Variants in VPS35L observed in about 807,000 individuals in gnomAD.
VPS35L encodes VPS35 endosomal protein-sorting factor-like.
In VPS35L, 83 loss-of-function variants were observed where a neutral mutation model predicts 133.0. That is an observed-to-expected ratio of 0.62 (90% CI 0.52 to 0.75). The LOEUF is 0.75. VPS35L is among the 30% of genes least tolerant of loss of function. The pLI, the probability that VPS35L is intolerant of heterozygous loss-of-function variation, is 0.00. For missense variants in VPS35L, 1,083 were observed against 1,206.8 expected, an observed-to-expected ratio of 0.90 and a Z score of 1.52; for synonymous variants, 423 against 449.9, an observed-to-expected ratio of 0.94 and a Z score of 0.76.
At chr16:19,592,445 T>C (rs760301658) in intron 8 of VPS35L, among the ~76,000 whole-genome samples, 21 of 152,134 alleles carry the variant, frequency 1.4e-4, no homozygotes, top group Non-Finnish European at 2.9e-4. Flanking sequence ...CTGGGGGCAC[T>C]AAGCAGCATG....
At chr16:19,592,689 A>T (rs1164601457) in intron 8 of VPS35L, among the ~76,000 whole-genome samples, 4 of 138,288 alleles carry the variant, frequency 2.9e-5, no homozygotes, top group African/African-American at 5.4e-5. Context: ...CACTGTTAAA[A>T]TTTTTTTTTT....
At chr16:19,577,536 G>A (rs182506672) in intron 5 of VPS35L, among the ~76,000 whole-genome samples, 7 of 152,268 alleles carry the variant, frequency 4.6e-5, no homozygotes, top group Non-Finnish European at 8.8e-5. Context: ...TGCTGCTGGT[G>A]GGAATGTAAA....
At chr16:19,672,623 G>A (rs1220386558) in intron 27 of VPS35L, among the ~76,000 whole-genome samples, 2 of 152,178 alleles carry the variant, frequency 1.3e-5, no homozygotes, top group African/African-American at 4.8e-5. Context: ...ATGGCTTCAG[G>A]ATGGGGGCCT....
chr16:19,599,473 G>A (rs140207390), intron 8 of VPS35L, among the ~76,000 whole-genome samples: 1 of 152,042 alleles, frequency 6.6e-6, no homozygotes, highest in Non-Finnish European at 1.5e-5. Flanking sequence ...ATTTCAGCAT[G>A]TATAAGGATT....
intron 7 of VPS35L, 119 bp from the exon 8 acceptor site, chr16:19,591,671 C>T (rs1405934621): frequency 1.4e-6 from 1 of 721,960 alleles, no homozygotes; most frequent in East Asian, 2.7e-5. Context: ...TCGCACAGGC[C>T]TTGGCACATA....
intron 15 of VPS35L, among the ~76,000 whole-genome samples, chr16:19,627,454 C>T (rs1225154214): frequency 6.6e-6 from 1 of 152,138 alleles, no homozygotes; most frequent in Non-Finnish European, 1.5e-5. Context: ...GTCTATCCAC[C>T]CTGCCATCTA....
rs757822505 is a variant in VPS35L at position 19,569,523 on chromosome 16, C to G, written c.217C>G (p.Leu73Val). 3 of 1,609,190 alleles carry G rather than the reference C, an allele frequency of 1.9e-6. No individual in the cohort carries two copies. Among genetic ancestry groups the G allele is most frequent in the Non-Finnish European group, 2.5e-6 (3 of 1,177,910 alleles). The part of the protein sequence containing the change: ...SSVVDPLSSV[L>V]DGTDPLSMFA... ...CGTGGTGGACCCGCTGAGCAGCGTC[C>G]TCGATGGGACTGACCCCCTCTCCAT... Residue 73 changes from leucine (L) to valine (V), a missense_variant, in exon 3 of 31, where the codon CTC (leucine) becomes GTC (valine). Physicochemically the swap from Leu to Val is conservative, Grantham distance 32. Coordinates refer to ENST00000417362, the MANE Select transcript of VPS35L (RefSeq NM_020314.7).
intron 7 of VPS35L, among the ~76,000 whole-genome samples, chr16:19,585,158 T>G (rs1282444894): frequency 6.6e-6 from 1 of 152,230 alleles, no homozygotes; most frequent in African/African-American, 2.4e-5. Context: ...GTTCCCACTC[T>G]CTGGCTGTTA....
At chr16:19,618,084 C>CAAAAAAAAAAAAAAAAAAAAAAA in intron 14 of VPS35L, 1 of 56,560 alleles carries the variant, frequency 1.8e-5, no homozygotes, top group Non-Finnish European at 3.5e-5. Context: ...CAGACTGTCT[C>CAAAAAAAAAAAAAAAAAAAAAAA]AAAAAAAAAA....
Position 19,630,342 on chromosome 16 carries a change from T to G in VPS35L, c.1554+522T>G, listed in dbSNP as rs545818046. Among the ~76,000 whole-genome samples, 369 of 134,890 alleles carry G rather than the reference T, an allele frequency of 2.7e-3. 1 individual carries two copies. Among genetic ancestry groups the G allele is most frequent in the African/African-American group, 0.01 (356 of 34,230 alleles). The allele number at this position is 134,890 out of a possible 152,430, so 88.5% of individuals were successfully genotyped here. On this transcript the variant is annotated intron_variant, in intron 18 of 30. Coordinates refer to ENST00000417362, the MANE Select transcript of VPS35L (RefSeq NM_020314.7). ...GTCCTAAAAGTTTTTTTTTTTTTTT[T>G]TTTTTTTTTGAGATGGAGTCTCGCT...
chr16:19,684,699 T>G (rs1375247814), intron 28 of VPS35L, among the ~76,000 whole-genome samples: 4 of 152,194 alleles, frequency 2.6e-5, no homozygotes. Flanking sequence ...CGGTAGTTAG[T>G]GATGGAAGTG....
chr16:19,556,419 G>A (rs1019434021), intron 1 of VPS35L, among the ~76,000 whole-genome samples: 1 of 152,202 alleles, frequency 6.6e-6, no homozygotes, highest in South Asian at 2.1e-4. Flanking sequence ...GGGAGGGCGT[G>A]GCGTGTGCCT....
intron 26 of VPS35L, among the ~76,000 whole-genome samples, chr16:19,666,895 T>C (rs558657834): frequency 9.2e-5 from 9 of 98,204 alleles, no homozygotes; most frequent in African/African-American, 4.5e-4. Flanking sequence ...TTTCTTTCTT[T>C]CTTTCTTTCT....
rs370011283 is a variant in VPS35L at position 19,664,859 on chromosome 16, C to T, written c.2222-4301C>T. The stretch of plus-strand genomic sequence containing the variant: ...AGGCTGCAGTGAGCTGAGATCACAT[C>T]ACCGCATTCCAGCCTGGGCAACAGA... On this transcript the variant is annotated intron_variant, in intron 26 of 30. Transcript: ENST00000417362. Among the ~76,000 whole-genome samples the T allele has an allele frequency of 5.3e-5, 8 of 150,736 alleles. No individual in the cohort carries two copies. The South Asian group carries it at 8.4e-4, about 16-fold the overall frequency.
In VPS35L at chr16:19,699,545, G is replaced by A; in HGVS notation, c.2690G>A (p.Ser897Asn). The A allele has an allele frequency of 4.3e-6, 7 of 1,614,162 alleles. No homozygotes were observed. Among genetic ancestry groups the A allele is most frequent in the Non-Finnish European group, 5.9e-6 (7 of 1,180,034 alleles). ...QSSLGLSFFN[S>N]ILAHGDLRNN... is the part of the protein sequence containing the mutation. ...TCGTTGGGCCTTTCCTTCTTTAACA[G>A]CATCTTGGCCCATGGGGACCTACGC... The change falls in exon 30 of 31, where the codon AGC (serine) becomes AAC (asparagine). Residue 897 changes from serine to asparagine, a missense_variant. Coordinates refer to ENST00000417362, the MANE Select transcript of VPS35L (RefSeq NM_020314.7). The surrounding 1 kb of genome is among the most constrained non-coding windows in gnomAD (Gnocchi z 4.2).
intron 14 of VPS35L, chr16:19,618,079 T>C (rs1972953434): frequency 1.3e-5 from 1 of 75,900 alleles, no homozygotes; most frequent in African/African-American, 6.1e-5. Flanking sequence ...AGAGCCAGAC[T>C]GTCTCAAAAA....
chr16:19,613,133 T>C (rs897627603), intron 12 of VPS35L, among the ~76,000 whole-genome samples: 4 of 152,078 alleles, frequency 2.6e-5, no homozygotes, highest in Admixed American at 6.6e-5. Context: ...AAAACCTGTC[T>C]CTACTAAAAA....
intron 10 of VPS35L, 101 bp from the exon 11 acceptor site, chr16:19,608,873 C>G (rs1972619533): frequency 1.0e-6 from 1 of 989,694 alleles, no homozygotes; most frequent in African/African-American, 1.6e-5. Flanking sequence ...TGGTCCCCAT[C>G]TCCTAAGACC....
rs1031720903 is a variant in VPS35L, at chr16:19,642,342, T to C, written c.1785-54T>C. The C allele has an allele frequency of 4.1e-6, 6 of 1,474,716 alleles. No homozygotes were observed. The African/African-American group carries it at 7.0e-5, about 17-fold the overall frequency. 91.4% of individuals were successfully genotyped at this position (1,474,716 alleles called of 1,614,324 possible). ...CAGTGGATGAAAACTGAATCCACTC[T>C]TGCAGTGCTGTCAGTGGACAAAACT... On this transcript the variant is annotated intron_variant, in intron 21 of 30. Transcript: ENST00000417362.
Sources: gnomAD v4.1 joint callset for allele counts (sites outside exome capture counted in the v4.1 genomes callset) on GRCh38, gnomAD v4.1.1 for gene constraint, Gnocchi (gnomAD v3.1) non-coding constraint, MANE v1.5 for transcripts, NCBI Gene and HGNC (gene_info 2026-07-23, HGNC 2026-07-21) for gene names.